Variants in IQCM observed in about 807,000 individuals in gnomAD.
IQCM encodes the protein IQ motif containing M.
Under a neutral mutation model 57.6 loss-of-function variants are expected in IQCM, and 45 were observed. That is an observed-to-expected ratio of 0.78 (90% confidence interval 0.62 to 1.00). The LOEUF (loss-of-function observed/expected upper bound fraction) is 1.00, where lower values mean the gene tolerates loss of function less well. IQCM is among the 50% of genes least tolerant of loss of function. IQCM has a pLI of 0.00. For missense variants in IQCM, 468 were observed against 511.6 expected, an observed-to-expected ratio of 0.91 and a Z score of 0.82; for synonymous variants, 148 against 158.9, an observed-to-expected ratio of 0.93 and a Z score of 0.51.
At chr4:149,781,830 G>A (rs1771632753) in intron 2 of IQCM, among the ~76,000 whole-genome samples, 1 of 152,116 alleles carries the variant, frequency 6.6e-6, no homozygotes, top group Non-Finnish European at 1.5e-5. Context: ...GAATAAGTAG[G>A]CAGCCTAGGA....
At chr4:149,374,783 G>C (rs1560784419) in intron 13 of IQCM, among the ~76,000 whole-genome samples, 1 of 152,056 alleles carries the variant, frequency 6.6e-6, no homozygotes, top group Non-Finnish European at 1.5e-5. Context: ...TTTTACCACT[G>C]TGGTTACTTG....
At chr4:149,539,257 CATGG>C (rs1173603835) in intron 12 of IQCM, among the ~76,000 whole-genome samples, 1 of 152,020 alleles carries the variant, frequency 6.6e-6, no homozygotes, top group East Asian at 1.9e-4. Flanking sequence ...TATGTTACAA[CATGG>C]ATGAACTTCA....
chr4:149,584,317 A>T (rs549325723), intron 9 of IQCM, among the ~76,000 whole-genome samples: 7 of 151,712 alleles, frequency 4.6e-5, no homozygotes, highest in African/African-American at 1.7e-4. Flanking sequence ...AAAATGTGTC[A>T]TTTAAATTAA....
At chr4:149,420,987 CATAATTAT>C (rs1560820990) in intron 13 of IQCM, among the ~76,000 whole-genome samples, 78 of 151,362 alleles carry the variant, frequency 5.2e-4, no homozygotes, top group Admixed American at 1.7e-3. Context: ...GGTTATTATG[CATAATTAT>C]GACCAGCACA....
intron 2 of IQCM, among the ~76,000 whole-genome samples, chr4:149,809,661 T>C (rs1774380678): frequency 6.6e-6 from 1 of 152,112 alleles, no homozygotes. Flanking sequence ...ACAATACAAC[T>C]CCTCGACTGA....
chr4:149,438,634 C>T (rs985205392), intron 12 of IQCM, among the ~76,000 whole-genome samples: 7 of 152,016 alleles, frequency 4.6e-5, no homozygotes, highest in East Asian at 1.9e-4. Context: ...TATTTAAAAA[C>T]GAGGATACAA....
intron 2 of IQCM, among the ~76,000 whole-genome samples, chr4:149,791,771 G>A (rs1394845): frequency 0.37 from 55,740 of 151,958 alleles, 15,003 homozygotes; most frequent in African/African-American, 0.73. Flanking sequence ...GATGAAGAGC[G>A]TCTAATAGGA....
chr4:149,611,331 G>T (rs752835431), intron 8 of IQCM, among the ~76,000 whole-genome samples: 1 of 152,002 alleles, frequency 6.6e-6, no homozygotes, highest in Non-Finnish European at 1.5e-5. Context: ...CCCCACTGCT[G>T]GGTATATATC....
rs187458514 is a variant in IQCM, at chr4:149,414,570, C to T, written c.1390+18826G>A. On this transcript the variant is annotated intron_variant, in intron 13 of 13. Transcript: ENST00000636793. ...ACACTCAGAGTTTGTCCATTATAGT[C>T]CTTACGATAAAAATTTAATACTTTC... is the stretch of plus-strand genomic sequence containing the variant. Among the ~76,000 whole-genome samples, 7 of 152,094 alleles carry T rather than the reference C, an allele frequency of 4.6e-5. No individual in the cohort carries two copies. In the East Asian group the frequency reaches 1.4e-3, roughly 29 times the overall value.
intron 8 of IQCM, among the ~76,000 whole-genome samples, chr4:149,593,970 A>G (rs529999552): frequency 4.6e-5 from 7 of 152,314 alleles, no homozygotes; most frequent in Non-Finnish European, 8.8e-5. Flanking sequence ...TGCTGGCCTC[A>G]TCAAATGAGT....
intron 7 of IQCM, among the ~76,000 whole-genome samples, chr4:149,623,439 G>A (rs1300972772): frequency 6.6e-6 from 1 of 152,102 alleles, no homozygotes; most frequent in Non-Finnish European, 1.5e-5. Context: ...AGAAAATATA[G>A]CTATAACTTT....
intron 13 of IQCM, among the ~76,000 whole-genome samples, chr4:149,418,455 AC>A (rs1485278149): frequency 1.3e-5 from 2 of 152,238 alleles, no homozygotes; most frequent in East Asian, 3.9e-4. Flanking sequence ...TAAATAGCCT[AC>A]CAAGGAAAAA....
At chr4:149,490,359 G>A (rs1260186646) in intron 12 of IQCM, among the ~76,000 whole-genome samples, 1 of 151,888 alleles carries the variant, frequency 6.6e-6, no homozygotes, top group African/African-American at 2.4e-5. Flanking sequence ...ATCTCAATGG[G>A]ATATGCTTAA....
At chr4:149,774,346 A>G (rs149181784) in intron 2 of IQCM, among the ~76,000 whole-genome samples, 506 of 152,294 alleles carry the variant, frequency 3.3e-3, no homozygotes, top group Non-Finnish European at 5.3e-3. Flanking sequence ...TAACTGTAAT[A>G]CATGTCACCT....
intron 2 of IQCM, among the ~76,000 whole-genome samples, chr4:149,809,944 T>C (rs935686906): frequency 1.6e-4 from 24 of 152,186 alleles, no homozygotes; most frequent in Admixed American, 4.6e-4. Flanking sequence ...GTTATCTCTT[T>C]TCCTTAATAA....
chr4:149,536,617 G>C (rs1747322282), intron 12 of IQCM, among the ~76,000 whole-genome samples: 1 of 151,870 alleles, frequency 6.6e-6, no homozygotes, highest in Non-Finnish European at 1.5e-5. Flanking sequence ...TTATATGTTT[G>C]TATGTCTCTC....
At chr4:149,608,190 G>A (rs1754969087) in intron 8 of IQCM, among the ~76,000 whole-genome samples, 1 of 151,876 alleles carries the variant, frequency 6.6e-6, no homozygotes, top group South Asian at 2.1e-4. Context: ...TAATGGTAGA[G>A]GAGACAATAC....
intron 7 of IQCM, among the ~76,000 whole-genome samples, chr4:149,654,576 TA>T (rs1282565418): frequency 2.0e-5 from 3 of 152,318 alleles, no homozygotes; most frequent in African/African-American, 7.2e-5. Context: ...TGCAGAACCA[TA>T]AGCCAATTAA....
At chr4:149,547,959 C>A (rs116197945) in intron 12 of IQCM, among the ~76,000 whole-genome samples, 3,161 of 152,114 alleles carry the variant, frequency 0.021, 113 homozygotes, top group African/African-American at 0.072. Flanking sequence ...ATTAAATATT[C>A]TCATAAACAA....
Sources: allele counts gnomAD v4.1 joint callset (sites outside exome capture counted in the v4.1 genomes callset), GRCh38; gene constraint gnomAD v4.1.1; transcripts MANE v1.5; gene names NCBI Gene and HGNC (gene_info 2026-07-23, HGNC 2026-07-21).